The following NSMCE2 variants were observed in gnomAD, a reference collection of about 807,000 sequenced individuals.
The protein encoded by NSMCE2 is E3 SUMO-protein ligase NSE2.
In NSMCE2, 24 loss-of-function variants were observed where a neutral mutation model predicts 23.8. That is an observed-to-expected ratio of 1.01 (90% CI 0.73 to 1.42). The LOEUF (loss-of-function observed/expected upper bound fraction) is 1.42, where lower values mean the gene tolerates loss of function less well. Among genes scored for constraint, NSMCE2 ranks in the 40% most tolerant of loss-of-function variants. NSMCE2 has a pLI of 0.00. For missense variants in NSMCE2, 284 were observed against 296.5 expected, an observed-to-expected ratio of 0.96 and a Z score of 0.31; for synonymous variants, 92 against 94.1, an observed-to-expected ratio of 0.98 and a Z score of 0.13.
intron 3 of NSMCE2, among the ~76,000 whole-genome samples, chr8:125,103,832 T>G (rs1368208063): frequency 8.1e-6 from 1 of 123,572 alleles, no homozygotes; most frequent in Admixed American, 7.6e-5. Flanking sequence ...AAGTAGAATC[T>G]TTTTTTTTAG....
chr8:125,304,894 A>G (rs1185702462), intron 5 of NSMCE2, among the ~76,000 whole-genome samples: 2 of 151,500 alleles, frequency 1.3e-5, no homozygotes, highest in African/African-American at 4.8e-5. Context: ...AAAAAAAAAA[A>G]AGAGAGAGAA....
intron 4 of NSMCE2, among the ~76,000 whole-genome samples, chr8:125,152,232 G>T (rs1821075183): frequency 6.6e-6 from 1 of 152,008 alleles, no homozygotes; most frequent in Non-Finnish European, 1.5e-5. Flanking sequence ...GACGTTTCTG[G>T]CTATTGTGAC....
intron 5 of NSMCE2, among the ~76,000 whole-genome samples, chr8:125,355,699 CA>C (rs140692089): frequency 0.032 from 1,512 of 46,740 alleles, 2 homozygotes; most frequent in African/African-American, 0.043. Flanking sequence ...GACTCCATCT[CA>C]AAAAAAAAAA....
chr8:125,095,827 A>G (rs1199482657), intron 1 of NSMCE2, among the ~76,000 whole-genome samples: 2 of 146,914 alleles, frequency 1.4e-5, no homozygotes, highest in African/African-American at 5.0e-5. Context: ...GGTTGCAGTG[A>G]GCCAAGGTAG....
At chr8:125,252,409 C>T (rs1055387349) in intron 5 of NSMCE2, among the ~76,000 whole-genome samples, 5 of 152,132 alleles carry the variant, frequency 3.3e-5, no homozygotes, top group Non-Finnish European at 7.3e-5. Context: ...TGCCTGTAGT[C>T]CCAGCTACTC....
At chr8:125,297,323 C>T (rs1040830664) in intron 5 of NSMCE2, among the ~76,000 whole-genome samples, 2 of 152,180 alleles carry the variant, frequency 1.3e-5, no homozygotes, top group African/African-American at 2.4e-5. Flanking sequence ...TTTTCCCCTC[C>T]CCTGCAAAGG....
intron 1 of NSMCE2, among the ~76,000 whole-genome samples, chr8:125,097,150 CTGTT>C (rs2130322500): frequency 6.6e-6 from 1 of 152,228 alleles, no homozygotes; most frequent in Admixed American, 6.5e-5. Context: ...GCTTTTATTC[CTGTT>C]TGTATTTTTT....
intron 5 of NSMCE2, among the ~76,000 whole-genome samples, chr8:125,352,836 C>G (rs1375204963): frequency 2.6e-5 from 4 of 152,118 alleles, no homozygotes; most frequent in Non-Finnish European, 5.9e-5. Context: ...TGGAGAATCC[C>G]AACGCTAATG....
chr8:125,219,012 C>T (rs1015442785), intron 5 of NSMCE2, among the ~76,000 whole-genome samples: 1 of 151,960 alleles, frequency 6.6e-6, no homozygotes, highest in Non-Finnish European at 1.5e-5. Flanking sequence ...CATTTTAGTC[C>T]CCTGTGGTTA....
intron 5 of NSMCE2, among the ~76,000 whole-genome samples, chr8:125,214,798 T>A (rs994525099): frequency 1.3e-5 from 2 of 152,156 alleles, no homozygotes; most frequent in Non-Finnish European, 2.9e-5. Context: ...TGTGTATATT[T>A]TTATGGGGTG....
At chr8:125,292,985 C>G (rs1010471730) in intron 5 of NSMCE2, among the ~76,000 whole-genome samples, 4 of 152,192 alleles carry the variant, frequency 2.6e-5, no homozygotes, top group African/African-American at 9.7e-5. Flanking sequence ...AGGAAAGAGT[C>G]TAATTCCATA....
chr8:125,362,820 G>A (rs1361161014), intron 7 of NSMCE2, among the ~76,000 whole-genome samples: 1 of 152,126 alleles, frequency 6.6e-6, no homozygotes, highest in East Asian at 1.9e-4. Context: ...CTCACTCTGG[G>A]ATCCATCCCA....
chr8:125,365,000 G>A (rs117387645), intron 7 of NSMCE2, among the ~76,000 whole-genome samples: 8,893 of 152,216 alleles, frequency 0.058, 320 homozygotes, highest in Non-Finnish European at 0.085. Context: ...GAAATAGGTG[G>A]TTTCATCCAG....
At chr8:125,359,580 G>A (rs1056842888) in intron 7 of NSMCE2, among the ~76,000 whole-genome samples, 7 of 152,170 alleles carry the variant, frequency 4.6e-5, no homozygotes, top group African/African-American at 1.2e-4. Flanking sequence ...TGATCTGCCC[G>A]CTTCGGCCTC....
At chr8:125,271,919 G>T (rs1242838665) in intron 5 of NSMCE2, among the ~76,000 whole-genome samples, 3 of 151,742 alleles carry the variant, frequency 2.0e-5, no homozygotes, top group Non-Finnish European at 4.4e-5. Flanking sequence ...TTATTGCTCC[G>T]TTTTTCAGGT....
At chr8:125,330,926 G>C (rs1213660156) in intron 5 of NSMCE2, among the ~76,000 whole-genome samples, 1 of 152,144 alleles carries the variant, frequency 6.6e-6, no homozygotes, top group Non-Finnish European at 1.5e-5. Flanking sequence ...CTCAAACTTT[G>C]TTCCCTTTAC....
rs184197211 is a variant in NSMCE2 at position 125,119,182 on chromosome 8, A to G, written c.157+16695A>G. On this transcript the variant is annotated intron_variant, in intron 3 of 7. Transcript: ENST00000287437. ...TCACCTCCTGTTACCGTGGAATCTC[A>G]CTCCATAAATTTCCAATCATTCCAA... is the stretch of plus-strand genomic sequence containing the variant. Among the ~76,000 whole-genome samples, 125 of 151,462 alleles carry G rather than the reference A, an allele frequency of 8.3e-4. 1 individual carries two copies. The highest frequency in any genetic ancestry group is 6.1e-3 in the Admixed American group (92 of 15,188).
At chr8:125,267,928 G>T (rs1253755239) in intron 5 of NSMCE2, among the ~76,000 whole-genome samples, 1 of 151,990 alleles carries the variant, frequency 6.6e-6, no homozygotes, top group Non-Finnish European at 1.5e-5. Context: ...TTATCCATGC[G>T]TAAAAACAAG....
chr8:125,280,914 A>G (rs1313660929), intron 5 of NSMCE2, among the ~76,000 whole-genome samples: 1 of 152,228 alleles, frequency 6.6e-6, no homozygotes, highest in African/African-American at 2.4e-5. Flanking sequence ...TCTCAAATGC[A>G]TACTTGCCTC....
Sources: gnomAD v4.1 joint callset for allele counts (sites outside exome capture counted in the v4.1 genomes callset) on GRCh38, gnomAD v4.1.1 for gene constraint, MANE v1.5 for transcripts, NCBI Gene and HGNC (gene_info 2026-07-23, HGNC 2026-07-21) for gene names.